GPSM2: variants seen among roughly 807,000 people sequenced by gnomAD.
GPSM2 encodes the protein G protein-signaling modulator 2.
A neutral mutation model predicts 78.4 loss-of-function variants in GPSM2; 58 were observed. That is an observed-to-expected ratio of 0.74 (90% CI 0.60 to 0.92). The LOEUF (loss-of-function observed/expected upper bound fraction) is 0.92. Among genes scored for constraint, GPSM2 ranks in the 40% least tolerant of loss-of-function variants. The pLI is 0.00. For missense variants in GPSM2, 700 were observed against 815.5 expected (o/e 0.86, Z 1.73); for synonymous variants, 224 against 280.2 (o/e 0.80, Z 2.00).
chr1:108,908,473 G>A (rs2101467458), intron 10 of GPSM2, among the ~76,000 whole-genome samples: 1 of 151,948 alleles, frequency 6.6e-6, no homozygotes, highest in South Asian at 2.1e-4. Context: ...CACGAGGTCA[G>A]GAGATCGAGA....
chr1:108,901,681 T>C, intron 7 of GPSM2, 109 bp from the exon 8 acceptor site: 1 of 852,458 alleles, frequency 1.2e-6, no homozygotes, highest in Non-Finnish European at 2.0e-6. Flanking sequence ...CTCTCAGAGA[T>C]TTAAAGACAG....
chr1:108,894,029 G>A (rs765291505), intron 2 of GPSM2, among the ~76,000 whole-genome samples: 4 of 151,944 alleles, frequency 2.6e-5, no homozygotes, highest in Non-Finnish European at 4.4e-5. Flanking sequence ...GGGTGACAGA[G>A]TGAGACTCCA....
rs550135641 is a variant in GPSM2 at position 108,897,295 on chromosome 1, A to T, written c.279-197A>T. 3.3e-5 allele frequency among the ~76,000 whole-genome samples: 5 copies of T among 152,352 alleles called. No individual in the cohort carries two copies. The South Asian group carries it at 1.0e-3, about 32-fold the overall frequency. ...CCTAGAGTTTAATTAAATGGATGAAAACTAATTACATTCAAATCCAGAAAT... is the reference window on the plus strand; with the variant it reads ...CCTAGAGTTTAATTAAATGGATGAATACTAATTACATTCAAATCCAGAAAT... On this transcript the variant is annotated intron_variant, in intron 3 of 14. Transcript: ENST00000264126.
intron 12 of GPSM2, among the ~76,000 whole-genome samples, chr1:108,920,651 GA>G (rs1650636656): frequency 6.6e-6 from 1 of 151,814 alleles, no homozygotes; most frequent in East Asian, 1.9e-4. Context: ...AGAATGCCTC[GA>G]TTTTTATCAG....
At chr1:108,905,221 A>T (rs893851817) in intron 10 of GPSM2, among the ~76,000 whole-genome samples, 2 of 152,238 alleles carry the variant, frequency 1.3e-5, no homozygotes, top group Admixed American at 6.5e-5. Context: ...CAAATAGGTT[A>T]TGCCGTTAAG....
At chr1:108,919,613 C>T (rs1028623748) in intron 12 of GPSM2, among the ~76,000 whole-genome samples, 2 of 152,048 alleles carry the variant, frequency 1.3e-5, no homozygotes, top group Middle Eastern at 6.8e-3. Context: ...TGGTATATGC[C>T]TATGGTCCCA....
Position 108,922,468 on chromosome 1 carries a change from CGATTTCAAA to C in GPSM2, c.1494_1502del (p.Phe499_Ser501del), listed in dbSNP as rs776031070. The C allele has an allele frequency of 1.9e-6, 3 of 1,612,210 alleles. No individual in the cohort carries two copies. Among genetic ancestry groups the C allele is most frequent in the Non-Finnish European group, 2.5e-6 (3 of 1,178,430 alleles). On this transcript the variant is annotated inframe_deletion, in exon 13 of 15. Coordinates refer to ENST00000264126, the MANE Select transcript of GPSM2 (RefSeq NM_013296.5). The stretch of plus-strand genomic sequence containing the variant: ...TGAAGGGTTCTTTGACTTATTAAGC[CGATTTCAAA>C]GCAATAGGATGGATGATCAGAGATG...
chr1:108,922,879 C>T lies in GPSM2; in HGVS notation c.1600+303C>T, dbSNP rs554018849. Among the ~76,000 whole-genome samples, 21 of 152,152 alleles carry T rather than the reference C, an allele frequency of 1.4e-4. No homozygotes were observed. The South Asian group carries it at 3.7e-3, about 27-fold the overall frequency. ...GTGTGGTGGTGCATGCCTGTAATCT[C>T]AGCTACTTGGGAGGCTGAAGTGGGA... On this transcript the variant is annotated intron_variant, in intron 13 of 14. Coordinates refer to ENST00000264126, the MANE Select transcript of GPSM2 (RefSeq NM_013296.5).
Position 108,918,603 on chromosome 1 carries a change from A to G in GPSM2, c.1264-10A>G. 6.2e-7 allele frequency: 1 copy of G among 1,607,924 alleles called. No homozygotes were observed. Among genetic ancestry groups the G allele is most frequent in the Non-Finnish European group, 8.5e-7 (1 of 1,174,418 alleles). On this transcript the variant is annotated splice_polypyrimidine_tract_variant and intron_variant, in intron 11 of 14. Transcript: ENST00000264126. ...GTTTATTCACCTGCCTTCCATTTAT[A>G]ATTTTGTAGGTACAGAACTGGAACA...
chr1:108,918,324 T>C (rs1450099568), intron 11 of GPSM2, among the ~76,000 whole-genome samples: 1 of 152,218 alleles, frequency 6.6e-6, no homozygotes, highest in Non-Finnish European at 1.5e-5. Context: ...TCTCTGACCA[T>C]TCATATTTTA....
rs561298150 is a variant in GPSM2 at position 108,904,018 on chromosome 1, C to T, written c.1063-107C>T. The T allele has an allele frequency of 4.0e-5, 31 of 779,976 alleles. No homozygotes were observed. In the African/African-American group the frequency reaches 4.2e-4, roughly 10 times the overall value. The allele number at this position is 779,976 out of a possible 1,614,324, so 48.3% of individuals were successfully genotyped here. On this transcript the variant is annotated intron_variant, in intron 9 of 14. Coordinates refer to ENST00000264126, the MANE Select transcript of GPSM2 (RefSeq NM_013296.5). ...CTCATAATTCTAATATAACTATTTT[C>T]ATTTCTCTATATTTTCTTCTAGTTT...
Position 108,931,729 on chromosome 1 carries a change from A to C in GPSM2, c.*1789A>C. ...GGATAGCATTTTAAAAACTCAGGTA[A>C]GTTTCATGGGGTTCTTATAAGAAAA... On this transcript the variant is annotated 3_prime_UTR_variant, in exon 15 of 15. Coordinates refer to ENST00000264126, the MANE Select transcript of GPSM2 (RefSeq NM_013296.5). The C allele has an allele frequency of 2.7e-6, 1 of 365,852 alleles. No homozygotes were observed. The allele number at this position is 365,852 out of a possible 1,614,324, so 22.7% of individuals were successfully genotyped here.
chr1:108,919,607 A>G (rs1650546670), intron 12 of GPSM2, among the ~76,000 whole-genome samples: 1 of 152,140 alleles, frequency 6.6e-6, no homozygotes, highest in Admixed American at 6.6e-5. Flanking sequence ...GTATGGTGGT[A>G]TATGCCTATG....
At position 108,914,906 on chromosome 1, in the gene GPSM2, C is replaced by G. The variant is rs554228388; in HGVS notation, c.1263+498C>G. On this transcript the variant is annotated intron_variant, in intron 11 of 14. Transcript: ENST00000264126. ...TTTTTCTGGCTGCATTCTTGAAAAGCATTTTTTTTTAACAAGTACTTTGTA... is the reference window on the plus strand; with the variant it reads ...TTTTTCTGGCTGCATTCTTGAAAAGGATTTTTTTTTAACAAGTACTTTGTA... 1.8e-3 allele frequency among the ~76,000 whole-genome samples: 277 copies of G among 152,158 alleles called. 1 individual carries two copies. Among genetic ancestry groups the G allele is most frequent in the Non-Finnish European group, 3.2e-3 (219 of 67,996 alleles).
intron 8 of GPSM2, among the ~76,000 whole-genome samples, chr1:108,902,737 A>G (rs1271510784): frequency 6.6e-6 from 1 of 152,218 alleles, no homozygotes; most frequent in African/African-American, 2.4e-5. Flanking sequence ...AAAATGAAGT[A>G]TGCTACCTCA....
chr1:108,914,987 G>A (rs1257834852), intron 11 of GPSM2, among the ~76,000 whole-genome samples: 1 of 152,122 alleles, frequency 6.6e-6, no homozygotes, highest in Non-Finnish European at 1.5e-5. Context: ...CACAGTAAAA[G>A]GGAAGGGACT....
intron 10 of GPSM2, among the ~76,000 whole-genome samples, 181 bp downstream of exon 10, chr1:108,904,435 AAT>A (rs940992587): frequency 1.1e-4 from 16 of 148,140 alleles, no homozygotes; most frequent in East Asian, 3.9e-4. Context: ...TTTTGTATAT[AAT>A]ATATATATAA....
At chr1:108,884,502 A>G (rs1647380053) in intron 1 of GPSM2, among the ~76,000 whole-genome samples, 1 of 152,262 alleles carries the variant, frequency 6.6e-6, no homozygotes, top group Non-Finnish European at 1.5e-5. Flanking sequence ...AACAACGTTC[A>G]GCAAAATCAT....
At chr1:108,905,127 C>T (rs1649117013) in intron 10 of GPSM2, among the ~76,000 whole-genome samples, 1 of 152,134 alleles carries the variant, frequency 6.6e-6, no homozygotes, top group African/African-American at 2.4e-5. Context: ...GTGAAAAGTT[C>T]TGAAGTGTGA....
Sources: gnomAD v4.1 joint callset for allele counts (sites outside exome capture counted in the v4.1 genomes callset) on GRCh38, gnomAD v4.1.1 for gene constraint, MANE v1.5 for transcripts, NCBI Gene and HGNC (gene_info 2026-07-23, HGNC 2026-07-21) for gene names.